Variants in FTCDNL1 observed in about 807,000 individuals in gnomAD.
FTCDNL1 encodes formiminotransferase N-terminal subdomain-containing protein.
Under a neutral mutation model 5.9 loss-of-function variants are expected in FTCDNL1, and 11 were observed. That is an observed-to-expected ratio of 1.87 (90% CI 1.18 to 3.10). FTCDNL1 has a LOEUF of 3.10. Ranked by LOEUF, FTCDNL1 falls within the 30% of genes most tolerant of loss-of-function variation. FTCDNL1 has a pLI of 0.00. For synonymous variants in FTCDNL1, 58 were observed against 24.8 expected (o/e 2.34, Z -3.99); for missense variants, 115 against 65.5 (o/e 1.76, Z -2.61).
At chr2:199,671,124 A>G in the FTCDNL1 span, among the ~76,000 whole-genome samples, 2 of 151,434 alleles carry the variant, frequency 1.3e-5, no homozygotes, top group Admixed American at 6.6e-5. Flanking sequence ...GGAAGTGGGA[A>G]GAGGAAACCA....
At chr2:199,773,953 T>A (rs1327799404) in intron 3 of FTCDNL1, among the ~76,000 whole-genome samples, 1 of 152,216 alleles carries the variant, frequency 6.6e-6, no homozygotes, top group Non-Finnish European at 1.5e-5. Context: ...TTCTCAGTGA[T>A]GCTGGTCCCT....
In FTCDNL1 at chr2:199,815,757, T is replaced by G. The variant is rs529805935; in HGVS notation, c.398-3033A>C. Among the ~76,000 whole-genome samples, 25 of 152,234 alleles carry G rather than the reference T, an allele frequency of 1.6e-4. No homozygotes were observed. In the East Asian group the frequency reaches 4.8e-3, roughly 29 times the overall value. ...TGGCTCATGCCTGTAATCCCAGCAC[T>G]TTGGGAGGCCGAGGTGGGCAGATCA... On this transcript the variant is annotated intron_variant, in intron 4 of 4. Coordinates refer to ENST00000420128, the MANE Select transcript of FTCDNL1 (RefSeq NM_001363886.2).
At chr2:199,739,709 T>G in the FTCDNL1 span, among the ~76,000 whole-genome samples, 3 of 152,246 alleles carry the variant, frequency 2.0e-5, no homozygotes, top group Non-Finnish European at 4.4e-5. Context: ...TCAGTTACTC[T>G]GTGACCATCC....
intron 3 of FTCDNL1, among the ~76,000 whole-genome samples, chr2:199,835,212 A>C (rs1702645592): frequency 6.6e-6 from 1 of 152,206 alleles, no homozygotes; most frequent in Non-Finnish European, 1.5e-5. Context: ...GAACACTGTT[A>C]CTTCTGCATT....
chr2:199,839,081 T>TG (rs2106630452), intron 3 of FTCDNL1, among the ~76,000 whole-genome samples: 1 of 152,170 alleles, frequency 6.6e-6, no homozygotes, highest in Admixed American at 6.5e-5. Context: ...CCTGCACACT[T>TG]GGAGTGTCCA....
At chr2:199,721,631 G>T in the FTCDNL1 span, among the ~76,000 whole-genome samples, 4 of 152,240 alleles carry the variant, frequency 2.6e-5, no homozygotes, top group South Asian at 6.2e-4. Flanking sequence ...ATTCCTGTAG[G>T]TATATACCCA....
intron 3 of FTCDNL1, among the ~76,000 whole-genome samples, chr2:199,822,583 A>G (rs1701766228): frequency 6.6e-6 from 1 of 152,198 alleles, no homozygotes; most frequent in South Asian, 2.1e-4. Flanking sequence ...AGTTTACTGC[A>G]TCAATTGGCT....
At chr2:199,806,233 A>G (rs1397925141), downstream of FTCDNL1, among the ~76,000 whole-genome samples, 2 of 152,212 alleles carry the variant, frequency 1.3e-5, no homozygotes, top group African/African-American at 4.8e-5. Flanking sequence ...CTTGGAGGCC[A>G]TGTGCAGGCT....
At chr2:199,823,442 A>G (rs1464507791) in intron 3 of FTCDNL1, among the ~76,000 whole-genome samples, 3 of 152,220 alleles carry the variant, frequency 2.0e-5, no homozygotes, top group African/African-American at 7.2e-5. Context: ...TATCTACGGC[A>G]GCTATAGCCT....
At chr2:199,815,015 A>G (rs1701266704) in intron 4 of FTCDNL1, among the ~76,000 whole-genome samples, 1 of 152,264 alleles carries the variant, frequency 6.6e-6, no homozygotes, top group Non-Finnish European at 1.5e-5. Context: ...ACTACAGTTC[A>G]AAGAATTTTC....
At chr2:199,763,252 G>C (rs998778471) in intron 3 of FTCDNL1, among the ~76,000 whole-genome samples, 1 of 152,070 alleles carries the variant, frequency 6.6e-6, no homozygotes, top group Non-Finnish European at 1.5e-5. Context: ...GGAAAACCAG[G>C]CTCCTTGCTG....
At chr2:199,796,702 G>C (rs1700188955) in intron 3 of FTCDNL1, among the ~76,000 whole-genome samples, 1 of 151,778 alleles carries the variant, frequency 6.6e-6, no homozygotes, top group Non-Finnish European at 1.5e-5. Context: ...CTGGATCAAT[G>C]GCAAATTTAC....
chr2:199,821,779 T>C (rs555026157), intron 3 of FTCDNL1, among the ~76,000 whole-genome samples: 27 of 152,314 alleles, frequency 1.8e-4, no homozygotes, highest in Admixed American at 1.6e-3. Flanking sequence ...ATGTTCTTTC[T>C]CTGAGTCAGG....
intron 3 of FTCDNL1, among the ~76,000 whole-genome samples, chr2:199,836,763 CA>C (rs1187904169): frequency 1.3e-5 from 2 of 149,340 alleles, no homozygotes; most frequent in African/African-American, 2.5e-5. Context: ...AACCCTGTTT[CA>C]AAAAAAAAGG....
intron 3 of FTCDNL1, among the ~76,000 whole-genome samples, chr2:199,799,441 T>C (rs747349532): frequency 6.6e-6 from 1 of 152,184 alleles, no homozygotes; most frequent in Admixed American, 6.6e-5. Context: ...CTTCTGTAGA[T>C]GTGGCTACTT....
chr2:199,690,497 T>C, the FTCDNL1 span, among the ~76,000 whole-genome samples: 1 of 152,156 alleles, frequency 6.6e-6, no homozygotes, highest in Non-Finnish European at 1.5e-5. Flanking sequence ...CTCCTTGTAA[T>C]GTCCTCTGCC....
intron 3 of FTCDNL1, among the ~76,000 whole-genome samples, chr2:199,838,073 T>C (rs745722550): frequency 2.6e-5 from 4 of 152,180 alleles, no homozygotes; most frequent in Non-Finnish European, 5.9e-5. Flanking sequence ...AAAGTTTGTG[T>C]GTCAACAGGC....
rs539553255 is a variant in FTCDNL1, at chr2:199,825,287, G to T, written c.212-5530C>A. Reference sequence around the variant, plus strand: ...GCACCAATGGACTCACTTGATGCAGGGTTGCCACAAACCTTTAATTTGTAA... The same window carrying T: ...GCACCAATGGACTCACTTGATGCAGTGTTGCCACAAACCTTTAATTTGTAA... On this transcript the variant is annotated intron_variant, in intron 3 of 4. Coordinates refer to ENST00000420128, the MANE Select transcript of FTCDNL1 (RefSeq NM_001363886.2). Among the ~76,000 whole-genome samples the T allele has an allele frequency of 1.7e-3, 263 of 152,284 alleles. 2 individuals are homozygous for T. The South Asian group carries it at 0.02, about 11-fold the overall frequency.
intron 3 of FTCDNL1, chr2:199,785,507 A>C (rs1699597834): frequency 6.6e-6 from 1 of 152,054 alleles, no homozygotes. Context: ...AAGTTCTGGG[A>C]TTACAAGCGT....
Sources: gnomAD v4.1 joint callset for allele counts (sites outside exome capture counted in the v4.1 genomes callset) on GRCh38, gnomAD v4.1.1 for gene constraint, MANE v1.5 for transcripts, NCBI Gene and HGNC (gene_info 2026-07-23, HGNC 2026-07-21) for gene names.